The following GABRB1 variants were observed in gnomAD, a reference collection of about 807,000 sequenced individuals.
GABRB1 encodes the protein gamma-aminobutyric acid type A receptor subunit beta1.
A neutral mutation model predicts 51.6 loss-of-function variants in GABRB1; 17 were observed. The ratio of observed to expected loss-of-function variants is 0.33; its 90% confidence interval spans 0.23 to 0.49. The LOEUF is 0.49. Among genes scored for constraint, GABRB1 ranks in the 20% least tolerant of loss-of-function variants. The pLI is 0.99. For missense variants in GABRB1, 410 were observed against 600.6 expected (o/e 0.68, Z 3.32); for synonymous variants, 247 against 218.9 (o/e 1.13, Z -1.14).
At chr4:47,403,143 G>T (rs1359538216) in intron 5 of GABRB1, among the ~76,000 whole-genome samples, 175 bp from the exon 6 acceptor site, 1 of 152,176 alleles carries the variant, frequency 6.6e-6, no homozygotes, top group African/African-American at 2.4e-5. Context: ...TTCTTTCAAT[G>T]AAGCTACTAA....
At chr4:47,038,845 C>T (rs1485903142) in intron 3 of GABRB1, among the ~76,000 whole-genome samples, 1 of 152,102 alleles carries the variant, frequency 6.6e-6, no homozygotes, top group East Asian at 1.9e-4. Context: ...GCTCAAATGA[C>T]ATAATCACAC....
chr4:47,025,252 G>A (rs1725055673), intron 1 of GABRB1, among the ~76,000 whole-genome samples: 2 of 151,772 alleles, frequency 1.3e-5, no homozygotes, highest in Middle Eastern at 3.4e-3. Context: ...TTTCCTCTGG[G>A]TAAATACCCA....
intron 4 of GABRB1, among the ~76,000 whole-genome samples, chr4:47,279,699 TC>T (rs531317060): frequency 1.2e-4 from 18 of 152,192 alleles, no homozygotes; most frequent in African/African-American, 4.3e-4. Context: ...CTTAAATAAA[TC>T]TATTTTGCTT....
intron 3 of GABRB1, among the ~76,000 whole-genome samples, chr4:47,066,865 T>C (rs140667486): frequency 0.014 from 2,068 of 152,344 alleles, 51 homozygotes; most frequent in African/African-American, 0.046. Context: ...ACATCTAGAA[T>C]GGTGAATCCT....
intron 3 of GABRB1, among the ~76,000 whole-genome samples, chr4:47,035,505 G>T (rs1386590271): frequency 6.6e-6 from 1 of 152,118 alleles, no homozygotes; most frequent in Non-Finnish European, 1.5e-5. Flanking sequence ...TTGGCATCAT[G>T]GGATATACTG....
In GABRB1 at chr4:47,312,300, A is replaced by G. The variant is rs568755512; in HGVS notation, c.462-7827A>G. Among the ~76,000 whole-genome samples the G allele has an allele frequency of 4.2e-4, 64 of 152,166 alleles. No individual in the cohort carries two copies. In the South Asian group the frequency reaches 0.012, roughly 29 times the overall value. ...ATCATTTATGTCTCACGCTCCCAGG[A>G]TTTCACCTTCAAATACCAATGTATT... On this transcript the variant is annotated intron_variant, in intron 4 of 8. Transcript: ENST00000295454.
intron 4 of GABRB1, among the ~76,000 whole-genome samples, chr4:47,294,080 G>A (rs1321592452): frequency 6.6e-6 from 1 of 152,148 alleles, no homozygotes; most frequent in Non-Finnish European, 1.5e-5. Context: ...AGTAATCAAT[G>A]TTTAAGTATT....
intron 4 of GABRB1, among the ~76,000 whole-genome samples, chr4:47,302,952 C>T (rs904733550): frequency 4.0e-5 from 6 of 151,894 alleles, no homozygotes; most frequent in Admixed American, 2.6e-4. Context: ...TTCTATGTAT[C>T]ATTTCCCTTG....
At chr4:47,341,408 T>A (rs1201729975) in intron 5 of GABRB1, among the ~76,000 whole-genome samples, 1 of 152,216 alleles carries the variant, frequency 6.6e-6, no homozygotes, top group Non-Finnish European at 1.5e-5. Flanking sequence ...TGGAAATGTA[T>A]TTTCTAGCAT....
At chr4:47,146,758 A>C (rs1560557457) in intron 3 of GABRB1, among the ~76,000 whole-genome samples, 1 of 152,110 alleles carries the variant, frequency 6.6e-6, no homozygotes, top group Non-Finnish European at 1.5e-5. Context: ...CTTGCCAAAG[A>C]TATAAAACCC....
At chr4:47,081,560 T>C (rs1386649743) in intron 3 of GABRB1, among the ~76,000 whole-genome samples, 1 of 152,146 alleles carries the variant, frequency 6.6e-6, no homozygotes, top group Non-Finnish European at 1.5e-5. Context: ...TGTACAATTT[T>C]TGCATTCAAG....
chr4:47,370,537 A>G (rs1157648277), intron 5 of GABRB1, among the ~76,000 whole-genome samples: 1 of 152,142 alleles, frequency 6.6e-6, no homozygotes, highest in Non-Finnish European at 1.5e-5. Context: ...GGCTTTAGGC[A>G]ACACGCAGAA....
At chr4:47,130,369 G>A (rs1560549099) in intron 3 of GABRB1, among the ~76,000 whole-genome samples, 1 of 101,618 alleles carries the variant, frequency 9.8e-6, no homozygotes, top group South Asian at 3.8e-4. Context: ...GTGTGTGTGT[G>A]TGTGTGTGTG....
At chr4:47,337,252 C>T (rs780926551) in intron 5 of GABRB1, among the ~76,000 whole-genome samples, 254 of 151,994 alleles carry the variant, frequency 1.7e-3, no homozygotes, top group Non-Finnish European at 2.5e-3. Flanking sequence ...CCCCATCCCC[C>T]GAAAGAAGTG....
chr4:47,201,929 C>A (rs1719912494), intron 4 of GABRB1, among the ~76,000 whole-genome samples: 1 of 152,078 alleles, frequency 6.6e-6, no homozygotes, highest in Non-Finnish European at 1.5e-5. Context: ...CTCTTGTAGC[C>A]TTCAGGAATG....
At chr4:47,163,885 A>G (rs1017060284) in intron 4 of GABRB1, among the ~76,000 whole-genome samples, 7 of 152,026 alleles carry the variant, frequency 4.6e-5, no homozygotes, top group African/African-American at 1.7e-4. Flanking sequence ...TCATATTGCT[A>G]TAAAGATGCT....
intron 5 of GABRB1, among the ~76,000 whole-genome samples, chr4:47,395,443 A>G (rs1342639987): frequency 6.6e-6 from 1 of 152,204 alleles, no homozygotes; most frequent in Non-Finnish European, 1.5e-5. Flanking sequence ...ATCCACACCC[A>G]TAATCCAATC....
At chr4:47,209,593 C>A (rs1720270025) in intron 4 of GABRB1, among the ~76,000 whole-genome samples, 1 of 151,900 alleles carries the variant, frequency 6.6e-6, no homozygotes, top group African/African-American at 2.4e-5. Context: ...TATCAGTCTC[C>A]CCTAATAAGC....
intron 4 of GABRB1, among the ~76,000 whole-genome samples, chr4:47,169,627 G>T (rs1222768037): frequency 6.6e-6 from 1 of 151,908 alleles, no homozygotes. Context: ...TCAGCCTCCC[G>T]AGTAGCTGGG....
Sources: gnomAD v4.1 joint callset for allele counts (sites outside exome capture counted in the v4.1 genomes callset) on GRCh38, gnomAD v4.1.1 for gene constraint, MANE v1.5 for transcripts, NCBI Gene and HGNC (gene_info 2026-07-23, HGNC 2026-07-21) for gene names.